Variants in CFAP263 observed in about 807,000 individuals in gnomAD.
CFAP263 encodes the protein cilia- and flagella-associated protein 263.
chr16:58,258,641 G>C, the CFAP263 span: 1 of 912,408 alleles, frequency 1.1e-6, no homozygotes, highest in Non-Finnish European at 1.7e-6. Context: ...GCCCACATAT[G>C]CGGATTTTCT....
the CFAP263 span, among the ~76,000 whole-genome samples, chr16:58,259,004 A>AATAAATAAATAAATATATAT: frequency 6.6e-6 from 1 of 151,276 alleles, no homozygotes; most frequent in African/African-American, 2.4e-5. Context: ...TAAATAAATA[A>AATAAATAAATAAATATATAT]ATAAATAAAT....
chr16:58,254,941 T>A, the CFAP263 span, among the ~76,000 whole-genome samples: 1 of 152,128 alleles, frequency 6.6e-6, no homozygotes, highest in South Asian at 2.1e-4. Flanking sequence ...GGTTTGAGGT[T>A]TAAGTCAGTA....
At chr16:58,279,442 T>G in the CFAP263 span, among the ~76,000 whole-genome samples, 1 of 152,116 alleles carries the variant, frequency 6.6e-6, no homozygotes, top group Non-Finnish European at 1.5e-5. Flanking sequence ...GGCAGGAACA[T>G]GCAACTTCTC....
the CFAP263 span, among the ~76,000 whole-genome samples, chr16:58,279,508 C>T: frequency 3.9e-5 from 6 of 151,926 alleles, no homozygotes; most frequent in African/African-American, 1.5e-4. Flanking sequence ...TGGGTGCTGC[C>T]CCTTTGTGGC....
chr16:58,279,758 A>G, the CFAP263 span: 1 of 1,613,326 alleles, frequency 6.2e-7, no homozygotes, highest in Non-Finnish European at 8.5e-7. Flanking sequence ...TTGCAGGCAG[A>G]TTACCTTGCT....
At chr16:58,260,681 A>G in the CFAP263 span, among the ~76,000 whole-genome samples, 1 of 152,062 alleles carries the variant, frequency 6.6e-6, no homozygotes, top group Non-Finnish European at 1.5e-5. Context: ...CTAGCTCAAT[A>G]TTTTTATTAT....
At chr16:58,252,403 A>T in the CFAP263 span, among the ~76,000 whole-genome samples, 1 of 151,786 alleles carries the variant, frequency 6.6e-6, no homozygotes, top group African/African-American at 2.4e-5. Flanking sequence ...ATAATCTCCC[A>T]CATGGGTTCA....
chr16:58,277,058 C>T, the CFAP263 span, among the ~76,000 whole-genome samples: 1 of 152,094 alleles, frequency 6.6e-6, no homozygotes, highest in Non-Finnish European at 1.5e-5. Context: ...CACAGTGTAC[C>T]ATTTGAACTG....
chr16:58,278,568 G>C, the CFAP263 span: 1 of 1,613,416 alleles, frequency 6.2e-7, no homozygotes. Context: ...CTTACGTCCG[G>C]GAGAAGATCT....
the CFAP263 span, among the ~76,000 whole-genome samples, chr16:58,254,690 C>T: frequency 5.3e-5 from 8 of 151,960 alleles, no homozygotes; most frequent in South Asian, 2.1e-4. Context: ...CTGCAAGCTC[C>T]GCCTCCCGGG....
At chr16:58,280,006 A>G in the CFAP263 span, 1 of 623,988 alleles carries the variant, frequency 1.6e-6, no homozygotes. Flanking sequence ...ATGGTTTGAC[A>G]CTTGTTAGCC....
At chr16:58,262,763 G>GCAGATAGA in the CFAP263 span, among the ~76,000 whole-genome samples, 1 of 78,412 alleles carries the variant, frequency 1.3e-5, no homozygotes, top group Non-Finnish European at 3.0e-5. Flanking sequence ...TAGATGATAG[G>GCAGATAGA]TAGATAGATA....
the CFAP263 span, among the ~76,000 whole-genome samples, chr16:58,259,060 G>A: frequency 6.6e-6 from 1 of 151,762 alleles, no homozygotes; most frequent in East Asian, 1.9e-4. Context: ...CACCAGCCAG[G>A]CAGGAGGTAT....
chr16:58,276,575 A>T, the CFAP263 span, among the ~76,000 whole-genome samples: 3 of 152,154 alleles, frequency 2.0e-5, no homozygotes, highest in Non-Finnish European at 2.9e-5. Flanking sequence ...GTCTTTAGGC[A>T]TTGCCAAATG....
the CFAP263 span, chr16:58,254,040 C>T: frequency 2.8e-5 from 45 of 1,614,032 alleles, no homozygotes; most frequent in African/African-American, 2.3e-4. Flanking sequence ...AGGTATGGAC[C>T]GTGGGGTAGG....
the CFAP263 span, chr16:58,267,504 T>C: frequency 6.2e-7 from 1 of 1,613,786 alleles, no homozygotes; most frequent in Non-Finnish European, 8.5e-7. Context: ...GCAATGGAAA[T>C]ATACCTCAAT....
chr16:58,279,666 CTTTTTTTCT>C, the CFAP263 span: 6 of 1,495,934 alleles, frequency 4.0e-6, no homozygotes, highest in Admixed American at 2.2e-5. Flanking sequence ...CATTTTTTTT[CTTTTTTTCT>C]TTTTTTTTTT....
At chr16:58,270,381 G>A in the CFAP263 span, among the ~76,000 whole-genome samples, 2 of 151,688 alleles carry the variant, frequency 1.3e-5, no homozygotes, top group East Asian at 1.9e-4. Flanking sequence ...GTAATTTATC[G>A]AACACTGTAC....
chr16:58,259,774 C>T, the CFAP263 span: 7 of 899,440 alleles, frequency 7.8e-6, no homozygotes, highest in South Asian at 1.2e-4. Flanking sequence ...TTTGCAGCCC[C>T]AGAACCATCC....
Sources: gnomAD v4.1 joint callset for allele counts (sites outside exome capture counted in the v4.1 genomes callset) on GRCh38, gnomAD v4.1.1 for gene constraint, MANE v1.5 for transcripts, NCBI Gene and HGNC (gene_info 2026-07-23, HGNC 2026-07-21) for gene names.